Variants in TTC12 observed in about 807,000 individuals in gnomAD.
The protein encoded by TTC12 is tetratricopeptide repeat domain 12.
TTC12 carries 70 observed loss-of-function variants against 90.1 expected under a neutral mutation model. The ratio of observed to expected loss-of-function variants is 0.78; its 90% CI spans 0.64 to 0.95. The LOEUF (loss-of-function observed/expected upper bound fraction) is 0.95, where lower values mean the gene tolerates loss of function less well. Among genes scored for constraint, TTC12 ranks in the 40% least tolerant of loss-of-function variants. The pLI is 0.00. For missense variants in TTC12, 819 were observed against 846.1 expected, an observed-to-expected ratio of 0.97 and a Z score of 0.40; for synonymous variants, 296 against 311.5, an observed-to-expected ratio of 0.95 and a Z score of 0.53.
intron 2 of TTC12, among the ~76,000 whole-genome samples, chr11:113,321,249 G>T (rs1555138316): frequency 6.6e-6 from 1 of 152,198 alleles, no homozygotes; most frequent in African/African-American, 2.4e-5. Context: ...AGCAAGTGAT[G>T]ATAAGAATGT....
intron 4 of TTC12, 89 bp downstream of exon 4, chr11:113,324,104 C>A (rs1447947505): frequency 1.9e-6 from 2 of 1,077,436 alleles, no homozygotes; most frequent in Non-Finnish European, 2.8e-6. Flanking sequence ...AAATTATTGC[C>A]TTTGAGCTTA....
chr11:113,337,261 A>G (rs1948425158), intron 8 of TTC12, among the ~76,000 whole-genome samples: 1 of 152,230 alleles, frequency 6.6e-6, no homozygotes, highest in South Asian at 2.1e-4. Context: ...GAAACTAGAC[A>G]AAGTCCTTGG....
chr11:113,361,717 T>G (rs1555155116), intron 18 of TTC12, among the ~76,000 whole-genome samples: 1 of 152,188 alleles, frequency 6.6e-6, no homozygotes. Flanking sequence ...AAACATAGCA[T>G]GCCCAAACAT....
At chr11:113,330,416 G>A (rs573837202) in intron 7 of TTC12, among the ~76,000 whole-genome samples, 1 of 152,264 alleles carries the variant, frequency 6.6e-6, no homozygotes, top group East Asian at 1.9e-4. Flanking sequence ...ATAATCAGAA[G>A]AAAGAATTCC....
intron 13 of TTC12, among the ~76,000 whole-genome samples, chr11:113,349,454 G>GGT (rs1191135034): frequency 2.0e-5 from 3 of 152,164 alleles, no homozygotes; most frequent in Non-Finnish European, 2.9e-5. Context: ...GATTTCATCA[G>GGT]GTGTTTTTTG....
At chr11:113,360,156 A>G in intron 18 of TTC12, 148 bp downstream of exon 18, 1 of 611,412 alleles carries the variant, frequency 1.6e-6, no homozygotes, top group Non-Finnish European at 2.9e-6. Flanking sequence ...TATACTATTC[A>G]GAATAATGTA....
chr11:113,364,410 C>T (rs903755531), intron 20 of TTC12: 3 of 239,920 alleles, frequency 1.3e-5, no homozygotes, highest in Admixed American at 5.0e-5. Flanking sequence ...AAGGAGGCTC[C>T]ACCATGGAAG....
chr11:113,344,470 G>T, intron 13 of TTC12, 30 bp downstream of exon 13: 2 of 1,597,762 alleles, frequency 1.3e-6, no homozygotes, highest in South Asian at 1.1e-5. Context: ...ATCTTCCTGG[G>T]ACATCTCATG....
intron 16 of TTC12, among the ~76,000 whole-genome samples, chr11:113,353,894 G>A (rs1209439721): frequency 2.6e-5 from 4 of 152,262 alleles, no homozygotes; most frequent in East Asian, 3.9e-4. Context: ...GTCAGGTAAC[G>A]TGATGCCTCC....
At chr11:113,317,478 C>T (rs1555136200) in intron 2 of TTC12, among the ~76,000 whole-genome samples, 1 of 152,154 alleles carries the variant, frequency 6.6e-6, no homozygotes, top group African/African-American at 2.4e-5. Flanking sequence ...CTCTCCAGCC[C>T]TCCCTTTGTT....
At chr11:113,325,790 A>G in intron 6 of TTC12, 145 bp downstream of exon 6, 2 of 1,001,314 alleles carry the variant, frequency 2.0e-6, no homozygotes, top group Admixed American at 5.2e-5. Context: ...GAGCTGACTT[A>G]TACACAGCAT....
chr11:113,333,661 A>C (rs1555143180), intron 7 of TTC12, among the ~76,000 whole-genome samples: 2 of 152,162 alleles, frequency 1.3e-5, no homozygotes, highest in East Asian at 1.9e-4. Flanking sequence ...GAGATCATCC[A>C]TATGAACCAT....
At chr11:113,329,755 G>C (rs1947913572) in intron 6 of TTC12, 165 bp from the exon 7 acceptor site, 1 of 690,828 alleles carries the variant, frequency 1.4e-6, no homozygotes, top group Non-Finnish European at 2.7e-6. Flanking sequence ...ACTCTCCTCA[G>C]TTGCCCAGTG....
At chr11:113,368,834 G>C (rs917656633), downstream of TTC12, 3 of 311,458 alleles carry the variant, frequency 9.6e-6, no homozygotes, top group Admixed American at 1.3e-4. Context: ...TGCAGTTTTT[G>C]CCATTAAAAG....
At chr11:113,326,371 G>T (rs2137938523) in intron 6 of TTC12, among the ~76,000 whole-genome samples, 1 of 152,236 alleles carries the variant, frequency 6.6e-6, no homozygotes, top group East Asian at 1.9e-4. Context: ...CTGCTGGACA[G>T]GCCTGAAAAA....
intron 3 of TTC12, 81 bp downstream of exon 3, chr11:113,323,532 TC>T: frequency 1.1e-6 from 1 of 923,780 alleles, no homozygotes; most frequent in Non-Finnish European, 1.5e-6. Flanking sequence ...TCTCAAACTG[TC>T]CAGCAAGGCT....
chr11:113,352,292 T>G, intron 16 of TTC12, 85 bp downstream of exon 16: 4 of 1,581,776 alleles, frequency 2.5e-6, no homozygotes, highest in Non-Finnish European at 3.5e-6. Flanking sequence ...TTTCCAAAAA[T>G]TCTGTTTCTG....
At chr11:113,349,122 G>T (rs1949128829) in intron 13 of TTC12, among the ~76,000 whole-genome samples, 1 of 152,156 alleles carries the variant, frequency 6.6e-6, no homozygotes, top group Non-Finnish European at 1.5e-5. Flanking sequence ...CATTGTGATT[G>T]GTCAAATGGA....
intron 7 of TTC12, among the ~76,000 whole-genome samples, chr11:113,333,168 G>T (rs1381699029): frequency 6.6e-6 from 1 of 152,040 alleles, no homozygotes; most frequent in Non-Finnish European, 1.5e-5. Flanking sequence ...CTCCAGTGTG[G>T]CATGCAAGGC....
Sources: allele counts gnomAD v4.1 joint callset (sites outside exome capture counted in the v4.1 genomes callset), GRCh38; gene constraint gnomAD v4.1.1; transcripts MANE v1.5; gene names NCBI Gene and HGNC (gene_info 2026-07-23, HGNC 2026-07-21).